MYO1C: variants seen among roughly 807,000 people sequenced by gnomAD.
MYO1C encodes unconventional myosin-Ic.
In MYO1C, 104 loss-of-function variants were observed where a neutral mutation model predicts 150.8. The observed-to-expected ratio is 0.69, with a 90% confidence interval of 0.59 to 0.81. The LOEUF (loss-of-function observed/expected upper bound fraction) is 0.81, where lower values mean the gene tolerates loss of function less well. Ranked by LOEUF, MYO1C falls within the 30% of genes least tolerant of loss-of-function variation. The pLI is 0.00. For synonymous variants in MYO1C, 663 were observed against 579.9 expected (o/e 1.14, Z -2.06); for missense variants, 1,504 against 1,435.0 (o/e 1.05, Z -0.78).
chr17:1,480,754 G>T lies in MYO1C; in HGVS notation c.759C>A (p.Arg253=), dbSNP rs45614232. The T allele has an allele frequency of 6.2e-7, 1 of 1,614,012 alleles. No homozygotes were observed. The highest frequency in any genetic ancestry group is 1.1e-5 in the South Asian group (1 of 91,086). The part of the protein sequence containing the change: ...LLEGGEEETL[R]RLGLERNPQS... ...GGGGGTTCCGTTCCAAGCCCAGCCT[G>T]CGAAGAGTCTCCTCCTCGCCCCCCT... The change falls in exon 6 of 32, where the codon CGC becomes CGA. Residue 253 remains arginine (R), a synonymous_variant. Coordinates refer to ENST00000648651, the MANE Select transcript of MYO1C (RefSeq NM_001080779.2).
At chr17:1,481,729 G>C (rs912042283) in intron 5 of MYO1C, among the ~76,000 whole-genome samples, 1 of 150,110 alleles carries the variant, frequency 6.7e-6, no homozygotes, top group South Asian at 2.1e-4. Flanking sequence ...TTGAACTCCC[G>C]ACCTCACGTG....
intron 14 of MYO1C, chr17:1,477,191 T>C (rs1054856241): frequency 4.3e-5 from 11 of 255,648 alleles, no homozygotes; most frequent in African/African-American, 2.2e-4. Flanking sequence ...TTTTTTTTTT[T>C]TTTTGAGACG....
In MYO1C at chr17:1,465,473, C is replaced by T. The variant is rs11538164; in HGVS notation, c.*253G>A. 7.2e-5 allele frequency: 28 copies of T among 388,426 alleles called. No individual in the cohort carries two copies. The highest frequency in any genetic ancestry group is 2.9e-4 in the African/African-American group (14 of 48,412). The allele number at this position is 388,426 out of a possible 1,614,324, so 24.1% of individuals were successfully genotyped here. A position where few individuals can be genotyped will look rare whatever the true frequency, so the allele number is the denominator to read the frequency against. Reference sequence around the variant, plus strand: ...TTCCCTTCTCTCAAATATTTGGCATCGGCAGTAGGGCTGGCATGGCTCGCT... The same window carrying T: ...TTCCCTTCTCTCAAATATTTGGCATTGGCAGTAGGGCTGGCATGGCTCGCT... On this transcript the variant is annotated 3_prime_UTR_variant, in exon 32 of 32. Transcript: ENST00000648651.
In MYO1C at chr17:1,479,655, A is replaced by G. The variant is rs755078295; in HGVS notation, c.957T>C (p.Phe319=). Residue 319 remains phenylalanine (F), a synonymous_variant, in exon 8 of 32, where the codon TTT becomes TTC. Transcript: ENST00000648651. The surrounding 1 kb of genome is among the most constrained non-coding windows in gnomAD (Gnocchi z 4.2). ...GGGCATTGCTCTCCTCGTTGGCAGC[A>G]AAGTGGATGTTGCCCAAATGAAGGA... The part of the protein sequence containing the change: ...ASVLHLGNIH[F]AANEESNAQV... 3 of 1,612,880 alleles carry G rather than the reference A, an allele frequency of 1.9e-6. No homozygotes were observed. In the Admixed American group the frequency reaches 5.0e-5, roughly 27 times the overall value.
chr17:1,479,406 C>T lies in MYO1C; in HGVS notation c.1092+25G>A, dbSNP rs1468325865. 2.7e-6 allele frequency: 3 copies of T among 1,125,438 alleles called. No homozygotes were observed. The highest frequency in any genetic ancestry group is 2.7e-4 in the Middle Eastern group (1 of 3,648). The allele number at this position is 1,125,438 out of a possible 1,614,324, so 69.7% of individuals were successfully genotyped here. ...GCCTTGGAACAGCTGCCCCTCCACA[C>T]CCGAGGGCAAGGGCCCGGCCTCACC... On this transcript the variant is annotated intron_variant, in intron 9 of 31. Transcript: ENST00000648651. The surrounding 1 kb of genome is among the most constrained non-coding windows in gnomAD (Gnocchi z 4.2).
In MYO1C at chr17:1,469,319, A is replaced by G. The variant is rs55883801; in HGVS notation, c.2610+212T>C. The G allele has an allele frequency of 5.8e-3, 3,484 of 600,882 alleles. 16 individuals carry two copies. Among genetic ancestry groups the G allele is most frequent in the Non-Finnish European group, 8.4e-3 (2,761 of 327,122 alleles). 37.2% of individuals were successfully genotyped at this position (600,882 alleles called of 1,614,324 possible). ...ATACGGTAGGTGGGGTAAATACAGT[A>G]GACCGAGATAAATACGGTAGGCGGG... On this transcript the variant is annotated intron_variant, in intron 25 of 31. Transcript: ENST00000648651.
Position 1,474,655 on chromosome 17 carries a change from C to T in MYO1C, c.1752G>A (p.Gln584=), listed in dbSNP as rs756690143. The T allele has an allele frequency of 1.2e-6, 2 of 1,614,046 alleles. No individual in the cohort carries two copies. Among genetic ancestry groups the T allele is most frequent in the South Asian group, 2.2e-5 (2 of 91,086 alleles). ...MCSSKNPIMS[Q]CFDRSELSDK... ...CACTGAGCTCGCTCCGGTCAAAGCA[C>T]TGGCTCATAATGGGATTCTTTGAGC... The change falls in exon 17 of 32, where the codon CAG becomes CAA. Residue 584 remains glutamine (Q), a synonymous_variant. Coordinates refer to ENST00000648651, the MANE Select transcript of MYO1C (RefSeq NM_001080779.2).
In MYO1C at chr17:1,491,675, C is replaced by T. The variant is rs2074736655; in HGVS notation, c.75+738G>A. ...CTTGGGGATCCGCGGCCCGGGCGCA[C>T]TCTCCCCGCCCAGGGCCCGCCGGGG... On this transcript the variant is annotated intron_variant, in intron 1 of 31. Coordinates refer to ENST00000648651, the MANE Select transcript of MYO1C (RefSeq NM_001080779.2). 4.1e-6 allele frequency: 4 copies of T among 980,096 alleles called. No individual in the cohort carries two copies. In the Admixed American group the frequency reaches 2.5e-4, roughly 62 times the overall value. The allele number at this position is 980,096 out of a possible 1,614,324, so 60.7% of individuals were successfully genotyped here. A position where few individuals can be genotyped will look rare whatever the true frequency, so the allele number is the denominator to read the frequency against.
chr17:1,490,210 C>T (rs2074712782), intron 1 of MYO1C, among the ~76,000 whole-genome samples: 1 of 150,730 alleles, frequency 6.6e-6, no homozygotes, highest in African/African-American at 2.4e-5. Flanking sequence ...TAAAACCTCA[C>T]CTCCAGGCCG....
Position 1,479,543 on chromosome 17 carries a change from A to AGCCCCC in MYO1C, c.1020+43_1021-42dup, listed in dbSNP as rs748732830. Reference sequence around the variant, plus strand: ...GAGGACACGGTGAGGGTGCACCCCCAGCCCCCGCCCCCGCCGTCCTCCCGT... The same window carrying AGCCCCC: ...GAGGACACGGTGAGGGTGCACCCCCAGCCCCCGCCCCCGCCCCCGCCGTCCTCCCGT... On this transcript the variant is annotated intron_variant, in intron 8 of 31. Coordinates refer to ENST00000648651, the MANE Select transcript of MYO1C (RefSeq NM_001080779.2). This position sits in a 1 kb window ranked among gnomAD's most constrained non-coding sequence, Gnocchi z 4.2. 4.5e-5 allele frequency: 43 copies of AGCCCCC among 955,596 alleles called. No homozygotes were observed. The highest frequency in any genetic ancestry group is 2.7e-4 in the South Asian group (20 of 72,900). 59.2% of individuals were successfully genotyped at this position (955,596 alleles called of 1,614,324 possible). A position where few individuals can be genotyped will look rare whatever the true frequency, so the allele number is the denominator to read the frequency against.
chr17:1,479,789 T>C lies in MYO1C; in HGVS notation c.907-84A>G. On this transcript the variant is annotated intron_variant, in intron 7 of 31. Coordinates refer to ENST00000648651, the MANE Select transcript of MYO1C (RefSeq NM_001080779.2). The surrounding 1 kb of genome is among the most constrained non-coding windows in gnomAD (Gnocchi z 4.2). ...CAACTAGCAGATGGCCATGCAGGGG[T>C]GGGTGGTGAAGTGTCGGAGAGAAGG... 6 of 938,918 alleles carry C rather than the reference T, an allele frequency of 6.4e-6. No homozygotes were observed. The South Asian group carries it at 8.5e-5, about 13-fold the overall frequency. The allele number at this position is 938,918 out of a possible 1,614,324, so 58.2% of individuals were successfully genotyped here.
intron 22 of MYO1C, 31 bp downstream of exon 22, chr17:1,470,590 G>T: frequency 3.0e-6 from 2 of 665,402 alleles, no homozygotes; most frequent in Non-Finnish European, 5.3e-6. Flanking sequence ...CCCAGACCCC[G>T]CCCCTCCTGA....
At position 1,471,140 on chromosome 17, in the gene MYO1C, T is replaced by A. The variant is rs372511952; in HGVS notation, c.2143A>T (p.Ile715Phe). 1.2e-6 allele frequency: 2 copies of A among 1,614,002 alleles called. No homozygotes were observed. Among genetic ancestry groups the A allele is most frequent in the African/African-American group, 2.7e-5 (2 of 74,898 alleles). ...AGGGTCTTGGGGAAGCGGATGAAGA[T>A]CTTGGTCCTGGGAGAGCAGTAGTGA... ...PEEYKMGRTK[I>F]FIRFPKTLFA... The change falls in exon 21 of 32, where the codon ATC (isoleucine) becomes TTC (phenylalanine). Residue 715 changes from isoleucine to phenylalanine, a missense_variant. Physicochemically the swap from Ile to Phe is conservative, Grantham distance 21. Coordinates refer to ENST00000648651, the MANE Select transcript of MYO1C (RefSeq NM_001080779.2).
chr17:1,471,202 C>T, intron 20 of MYO1C, 21 bp downstream of exon 20: 4 of 1,613,912 alleles, frequency 2.5e-6, no homozygotes, highest in South Asian at 1.1e-5. Flanking sequence ...CCCGCAGGCA[C>T]CCGGCACGGA....
At chr17:1,492,313 C>G (rs2074744544) in intron 1 of MYO1C, 100 bp downstream of exon 1, 2 of 1,216,404 alleles carry the variant, frequency 1.6e-6, no homozygotes. Flanking sequence ...GGAACCCCTC[C>G]CCGCTGCTCA....
rs2074465518 is a variant in MYO1C at position 1,479,370 on chromosome 17, G to A, written c.1092+61C>T. On this transcript the variant is annotated intron_variant, in intron 9 of 31. Coordinates refer to ENST00000648651, the MANE Select transcript of MYO1C (RefSeq NM_001080779.2). The surrounding 1 kb of genome is among the most constrained non-coding windows in gnomAD (Gnocchi z 4.2). ...GGAACCAGGCGAAGGGGAGTGATGG[G>A]AGTAGGGGCTGCCTTGGAACAGCTG... 6.1e-6 allele frequency: 5 copies of A among 820,452 alleles called. No homozygotes were observed. The highest frequency in any genetic ancestry group is 5.7e-5 in the South Asian group (4 of 69,890). 50.8% of individuals were successfully genotyped at this position (820,452 alleles called of 1,614,324 possible).
chr17:1,476,708 T>G (rs970351777), intron 14 of MYO1C, among the ~76,000 whole-genome samples: 10 of 152,216 alleles, frequency 6.6e-5, no homozygotes, highest in Admixed American at 6.6e-4. Context: ...CGCTTGTTCC[T>G]GTTTCTACCT....
At chr17:1,472,052 C>A in intron 18 of MYO1C, 28 bp from the exon 19 acceptor site, 5 of 1,610,972 alleles carry the variant, frequency 3.1e-6, no homozygotes, top group Non-Finnish European at 4.2e-6. Flanking sequence ...CCGTGGTCAG[C>A]GGGCTGGCGC....
Position 1,478,556 on chromosome 17 carries a change from C to T in MYO1C, c.1212+60G>A. On this transcript the variant is annotated intron_variant, in intron 10 of 31. Coordinates refer to ENST00000648651, the MANE Select transcript of MYO1C (RefSeq NM_001080779.2). The surrounding 1 kb of genome is among the most constrained non-coding windows in gnomAD (Gnocchi z 6.3). ...GCGTGCCAGCCCCACCCTGCAGCAC[C>T]CCCCGCCTCGCCGACGGCCCTCCCT... is the stretch of plus-strand genomic sequence containing the variant. 3 of 1,613,808 alleles carry T rather than the reference C, an allele frequency of 1.9e-6. No homozygotes were observed. The highest frequency in any genetic ancestry group is 2.2e-5 in the South Asian group (2 of 91,074).
Sources: gnomAD v4.1 joint callset for allele counts (sites outside exome capture counted in the v4.1 genomes callset) on GRCh38, gnomAD v4.1.1 for gene constraint, Gnocchi (gnomAD v3.1) non-coding constraint, MANE v1.5 for transcripts, NCBI Gene and HGNC (gene_info 2026-07-23, HGNC 2026-07-21) for gene names.